The following LYSMD1 variants were observed in gnomAD, a reference collection of about 807,000 sequenced individuals.
LYSMD1 encodes LysM domain containing 1.
In LYSMD1, 9 loss-of-function variants were observed where a neutral mutation model predicts 19.3. That is an observed-to-expected ratio of 0.47 (90% confidence interval 0.28 to 0.81). The LOEUF is 0.81. Among genes scored for constraint, LYSMD1 ranks in the 40% least tolerant of loss-of-function variants. The pLI is 0.11. For missense variants in LYSMD1, 262 were observed against 279.8 expected (o/e 0.94, Z 0.45); for synonymous variants, 111 against 111.7 (o/e 0.99, Z 0.04).
At chr1:151,162,198 A>G in intron 1 of LYSMD1, 98 bp from the exon 2 acceptor site, 1 of 1,156,676 alleles carries the variant, frequency 8.6e-7, no homozygotes, top group Non-Finnish European at 1.2e-6. Flanking sequence ...CTTTGATTCC[A>G]TAACAACCAA....
chr1:151,165,598 C>A lies in LYSMD1; in HGVS notation c.-340G>T. On this transcript the variant is annotated 5_prime_UTR_variant, in exon 1 of 3. Transcript: ENST00000368908. ...TCAACACTCTTTCCTCAGTTTGCCC[C>A]CAAGTAGCCTGGCCTCAGGGCGCTC... 6.6e-7 allele frequency: 1 copy of A among 1,508,806 alleles called. No homozygotes were observed. The allele number at this position is 1,508,806 out of a possible 1,614,324, so 93.5% of individuals were successfully genotyped here.
chr1:151,159,203 G>A (rs200650606), downstream of LYSMD1: 2 of 1,614,146 alleles, frequency 1.2e-6, no homozygotes, highest in Non-Finnish European at 1.7e-6. Context: ...CAGCACCTTG[G>A]CAAGATCTGT....
the LYSMD1 span, among the ~76,000 whole-genome samples, chr1:151,151,246 C>A: frequency 2.0e-5 from 3 of 151,926 alleles, no homozygotes; most frequent in Non-Finnish European, 4.4e-5. Context: ...GGCTAGAGTG[C>A]AGTGGCTCAC....
At chr1:151,154,699 G>GC in the LYSMD1 span, among the ~76,000 whole-genome samples, 1 of 151,880 alleles carries the variant, frequency 6.6e-6, no homozygotes, top group South Asian at 2.1e-4. Flanking sequence ...AGGCTGGAGG[G>GC]CAGAGGCGCG....
downstream of LYSMD1, chr1:151,159,490 G>A (rs1572064217): frequency 3.3e-5 from 16 of 482,616 alleles, no homozygotes; most frequent in East Asian, 5.8e-4. Flanking sequence ...AAACAGAACT[G>A]CCTGAAAAAG....
At chr1:151,155,169 T>C (rs898062290), downstream of LYSMD1, among the ~76,000 whole-genome samples, 1 of 152,184 alleles carries the variant, frequency 6.6e-6, no homozygotes, top group African/African-American at 2.4e-5. Flanking sequence ...GAACGTCCTG[T>C]ATTTTGTTTT....
In LYSMD1 at chr1:151,161,035, A is replaced by AG; in HGVS notation, c.546-16dup. Reference sequence around the variant, plus strand: ...CCCCAGGTACCCTGCAATTGAGGAAAGGGGGGAAAGAGTGACAGATCAAGG... The same window carrying AG: ...CCCCAGGTACCCTGCAATTGAGGAAAGGGGGGGAAAGAGTGACAGATCAAGG... On this transcript the variant is annotated splice_polypyrimidine_tract_variant and intron_variant, in intron 2 of 2. Coordinates refer to ENST00000368908, the MANE Select transcript of LYSMD1 (RefSeq NM_212551.5). 1 of 1,612,914 alleles carries AG rather than the reference A, an allele frequency of 6.2e-7. No individual in the cohort carries two copies. Among genetic ancestry groups the AG allele is most frequent in the Non-Finnish European group, 8.5e-7 (1 of 1,179,108 alleles).
At chr1:151,148,865 G>A in the LYSMD1 span, among the ~76,000 whole-genome samples, 2 of 152,200 alleles carry the variant, frequency 1.3e-5, no homozygotes, top group Non-Finnish European at 2.9e-5. Context: ...AGAAGGCCTG[G>A]AATGACTAGG....
chr1:151,163,270 T>C (rs1222876466), intron 1 of LYSMD1, among the ~76,000 whole-genome samples: 1 of 151,294 alleles, frequency 6.6e-6, no homozygotes, highest in Non-Finnish European at 1.5e-5. Flanking sequence ...GCTATAATAA[T>C]ACATAACCCT....
chr1:151,151,495 G>A, the LYSMD1 span, among the ~76,000 whole-genome samples: 1 of 151,326 alleles, frequency 6.6e-6, no homozygotes. Context: ...CACTGCGCCC[G>A]GCCACAATAA....
downstream of LYSMD1, chr1:151,158,611 G>A (rs587662689): frequency 4.7e-6 from 6 of 1,268,748 alleles, no homozygotes; most frequent in African/African-American, 7.5e-5. Context: ...AGAAGCAACA[G>A]AAAAGGGAAA....
the LYSMD1 span, among the ~76,000 whole-genome samples, chr1:151,154,286 C>T: frequency 6.6e-6 from 1 of 152,132 alleles, no homozygotes; most frequent in African/African-American, 2.4e-5. Context: ...TCGAGACCAG[C>T]CTGGCCAACA....
At chr1:151,154,806 C>T (rs1683181986), downstream of LYSMD1, among the ~76,000 whole-genome samples, 2 of 152,022 alleles carry the variant, frequency 1.3e-5, no homozygotes, top group South Asian at 4.1e-4. Context: ...CCATCATGCC[C>T]AGCTAATTTT....
chr1:151,159,295 C>T (rs759314217), downstream of LYSMD1: 13 of 1,564,024 alleles, frequency 8.3e-6, no homozygotes, highest in South Asian at 7.0e-5. Context: ...AAATGGTTGA[C>T]TGAGAAAACA....
the LYSMD1 span, among the ~76,000 whole-genome samples, chr1:151,152,824 T>C: frequency 2.0e-5 from 3 of 152,244 alleles, no homozygotes; most frequent in East Asian, 1.9e-4. Flanking sequence ...TGAACTGATA[T>C]GAGAGTATTG....
chr1:151,165,837 A>T lies in LYSMD1; in HGVS notation c.-579T>A. ...CCACATCTAGGTTGTTGTCCCTCCA[A>T]ACGCCTCAGATCCGCCAAGATGCAA... On this transcript the variant is annotated 5_prime_UTR_variant, in exon 1 of 3. The change creates a new upstream start codon in the 5' untranslated region. Transcript: ENST00000368908. The T allele has an allele frequency of 7.1e-7, 1 of 1,404,722 alleles. No individual in the cohort carries two copies. Among genetic ancestry groups the T allele is most frequent in the Non-Finnish European group, 9.9e-7 (1 of 1,013,038 alleles). The allele number at this position is 1,404,722 out of a possible 1,614,324, so 87.0% of individuals were successfully genotyped here. A position where few individuals can be genotyped will look rare whatever the true frequency, so the allele number is the denominator to read the frequency against.
At chr1:151,153,544 A>G in the LYSMD1 span, among the ~76,000 whole-genome samples, 1 of 151,482 alleles carries the variant, frequency 6.6e-6, no homozygotes, top group African/African-American at 2.4e-5. Context: ...AATCCCAGCT[A>G]CTCGGGAGGC....
the LYSMD1 span, among the ~76,000 whole-genome samples, chr1:151,154,176 A>G: frequency 6.6e-6 from 1 of 152,060 alleles, no homozygotes; most frequent in Non-Finnish European, 1.5e-5. Flanking sequence ...GTGGGTAGAC[A>G]GTTAATAAAA....
chr1:151,159,523 A>C, downstream of LYSMD1: 1 of 392,208 alleles, frequency 2.5e-6, no homozygotes, highest in South Asian at 2.9e-5. Flanking sequence ...TTGGATCTCT[A>C]TTTCTCCCAT....
Sources: gnomAD v4.1 joint callset for allele counts (sites outside exome capture counted in the v4.1 genomes callset) on GRCh38, gnomAD v4.1.1 for gene constraint, MANE v1.5 for transcripts, NCBI Gene and HGNC (gene_info 2026-07-23, HGNC 2026-07-21) for gene names.